Variants in MEMO1 observed in about 807,000 individuals in gnomAD.
The protein encoded by MEMO1 is mediator of cell motility 1, also known as protein MEMO1.
A neutral mutation model predicts 45.2 loss-of-function variants in MEMO1; 6 were observed. The observed-to-expected ratio is 0.13, with a 90% confidence interval of 0.07 to 0.26. MEMO1 has a LOEUF of 0.26. MEMO1 is among the 10% of genes least tolerant of loss of function. The pLI, the probability that MEMO1 is intolerant of heterozygous loss-of-function variation, is 1.00. For missense variants in MEMO1, 184 were observed against 370.5 expected (o/e 0.50, Z 4.13); for synonymous variants, 78 against 124.3 (o/e 0.63, Z 2.48).
intron 8 of MEMO1, among the ~76,000 whole-genome samples, chr2:31,881,495 T>TAAAAAAAAAAAAAAA: frequency 1.5e-5 from 1 of 68,446 alleles, no homozygotes; most frequent in East Asian, 4.4e-4. Context: ...AGCCTGTCTT[T>TAAAAAAAAAAAAAAA]AAAAAAAAAA....
chr2:31,982,829 A>G (rs180904732), intron 2 of MEMO1, among the ~76,000 whole-genome samples: 17 of 152,168 alleles, frequency 1.1e-4, no homozygotes, highest in African/African-American at 4.1e-4. Flanking sequence ...GGTGGGTGGG[A>G]GCCAGGTTTC....
chr2:31,920,061 G>A (rs1403200177), intron 5 of MEMO1, among the ~76,000 whole-genome samples: 1 of 151,852 alleles, frequency 6.6e-6, no homozygotes, highest in East Asian at 1.9e-4. Flanking sequence ...AAGGTAAATT[G>A]GGTTCAGGAT....
chr2:31,982,129 T>G (rs1670707221), intron 2 of MEMO1, among the ~76,000 whole-genome samples: 2 of 151,612 alleles, frequency 1.3e-5, no homozygotes, highest in South Asian at 4.2e-4. Context: ...AAACCCCATC[T>G]CTACTAAAAA....
intron 4 of MEMO1, among the ~76,000 whole-genome samples, chr2:31,921,370 T>C (rs1682289577): frequency 6.6e-6 from 1 of 152,226 alleles, no homozygotes; most frequent in South Asian, 2.1e-4. Context: ...AGCAAACTAA[T>C]ACACCTAATA....
intron 2 of MEMO1, among the ~76,000 whole-genome samples, chr2:31,969,362 C>CGT (rs564767327): frequency 7.1e-4 from 104 of 145,622 alleles, no homozygotes; most frequent in Admixed American, 1.2e-3. Context: ...ATATATGTTA[C>CGT]GTGTATATAT....
chr2:31,893,312 G>C, intron 6 of MEMO1: 1 of 1,201,486 alleles, frequency 8.3e-7, no homozygotes, highest in South Asian at 1.6e-5. Context: ...TTCTTGGGCA[G>C]AATCTGCATC....
chr2:31,953,001 G>A (rs1412482712), intron 2 of MEMO1, among the ~76,000 whole-genome samples: 1 of 152,064 alleles, frequency 6.6e-6, no homozygotes, highest in Non-Finnish European at 1.5e-5. Flanking sequence ...AAATCACTGG[G>A]TTGTTTCCAA....
intron 8 of MEMO1, among the ~76,000 whole-genome samples, chr2:31,870,675 C>G (rs943557634): frequency 6.6e-6 from 1 of 152,116 alleles, no homozygotes; most frequent in African/African-American, 2.4e-5. Flanking sequence ...CTCCTGGGTT[C>G]AAGCAATTTT....
At chr2:31,964,701 CA>C (rs1158710651) in intron 2 of MEMO1, among the ~76,000 whole-genome samples, 1 of 148,910 alleles carries the variant, frequency 6.7e-6, no homozygotes, top group Non-Finnish European at 1.5e-5. Context: ...AACTCCATCT[CA>C]AAAAAACAAA....
intron 2 of MEMO1, among the ~76,000 whole-genome samples, chr2:31,998,066 C>T (rs1672812894): frequency 6.6e-6 from 1 of 152,164 alleles, no homozygotes; most frequent in Admixed American, 6.5e-5. Flanking sequence ...TGAAGTAGTG[C>T]AGTGGCATAA....
intron 2 of MEMO1, among the ~76,000 whole-genome samples, chr2:31,980,878 C>G (rs889683445): frequency 3.8e-4 from 58 of 152,134 alleles, no homozygotes; most frequent in African/African-American, 1.4e-3. Context: ...ATCACAGGAC[C>G]CTTCCATCTA....
At chr2:31,929,720 C>A (rs1683662868) in intron 4 of MEMO1, among the ~76,000 whole-genome samples, 1 of 152,110 alleles carries the variant, frequency 6.6e-6, no homozygotes, top group South Asian at 2.1e-4. Flanking sequence ...AAAAGATGAT[C>A]CTGGCTGAAA....
At chr2:31,993,343 C>G (rs1672173623) in intron 2 of MEMO1, among the ~76,000 whole-genome samples, 1 of 152,164 alleles carries the variant, frequency 6.6e-6, no homozygotes, top group Non-Finnish European at 1.5e-5. Flanking sequence ...TATAAATATG[C>G]ATTGCATTAT....
chr2:31,875,449 C>T (rs908472331), intron 8 of MEMO1, among the ~76,000 whole-genome samples: 1 of 152,144 alleles, frequency 6.6e-6, no homozygotes, highest in African/African-American at 2.4e-5. Flanking sequence ...AATCTCATCT[C>T]TGTCCTGGCT....
chr2:31,977,958 A>G (rs184496925), intron 2 of MEMO1, among the ~76,000 whole-genome samples: 1 of 152,278 alleles, frequency 6.6e-6, no homozygotes, highest in East Asian at 1.9e-4. Context: ...ATTAAAACTT[A>G]TGCTTTATTA....
chr2:31,875,738 G>C (rs1180635169), intron 8 of MEMO1, among the ~76,000 whole-genome samples: 1 of 151,972 alleles, frequency 6.6e-6, no homozygotes, highest in Admixed American at 6.6e-5. Context: ...CAGAGCTGGA[G>C]TGCAGTGGTG....
intron 6 of MEMO1, among the ~76,000 whole-genome samples, chr2:31,915,539 C>T (rs543584529): frequency 6.6e-6 from 1 of 151,484 alleles, no homozygotes; most frequent in East Asian, 1.9e-4. Flanking sequence ...TGGTTTTACT[C>T]TCTTGATCCA....
chr2:31,971,889 G>C (rs568508137), intron 2 of MEMO1, among the ~76,000 whole-genome samples: 1 of 152,078 alleles, frequency 6.6e-6, no homozygotes, highest in African/African-American at 2.4e-5. Context: ...AAAATTGCTT[G>C]AGCCCAGGAG....
chr2:31,989,777 C>T (rs1300961064), intron 2 of MEMO1, among the ~76,000 whole-genome samples: 1 of 152,106 alleles, frequency 6.6e-6, no homozygotes, highest in East Asian at 1.9e-4. Context: ...TGTAGAGTTT[C>T]AGTATAGCGT....
Sources: gnomAD v4.1 joint callset for allele counts (sites outside exome capture counted in the v4.1 genomes callset) on GRCh38, gnomAD v4.1.1 for gene constraint, MANE v1.5 for transcripts, NCBI Gene and HGNC (gene_info 2026-07-23, HGNC 2026-07-21) for gene names.